The following MAPK6 variants were observed in gnomAD, a reference collection of about 807,000 sequenced individuals.
The protein encoded by MAPK6 is ERK-3.
In MAPK6, 19 loss-of-function variants were observed where a neutral mutation model predicts 59.3. That is an observed-to-expected ratio of 0.32 (90% CI 0.22 to 0.47). The LOEUF is 0.47. MAPK6 is among the 20% of genes least tolerant of loss of function. The probability of loss-of-function intolerance (pLI) is 1.00; values close to 1 mark genes in which losing one functional copy is unlikely to be tolerated. For missense variants in MAPK6, 724 were observed against 847.9 expected, an observed-to-expected ratio of 0.85 and a Z score of 1.81; for synonymous variants, 316 against 290.3, an observed-to-expected ratio of 1.09 and a Z score of -0.90.
chr15:52,055,848 TG>T (rs1280457886), intron 3 of MAPK6, among the ~76,000 whole-genome samples: 1 of 152,266 alleles, frequency 6.6e-6, no homozygotes, highest in Non-Finnish European at 1.5e-5. Context: ...TGTTTTTAAA[TG>T]TTCAATGCAC....
chr15:52,065,301 AAAC>A lies in MAPK6; in HGVS notation c.*304_*306del, dbSNP rs2141139939. 1 of 234,358 alleles carries A rather than the reference AAAC, an allele frequency of 4.3e-6. No homozygotes were observed. The highest frequency in any genetic ancestry group is 8.2e-6 in the Non-Finnish European group (1 of 121,686). The allele number at this position is 234,358 out of a possible 1,614,324, so 14.5% of individuals were successfully genotyped here. On this transcript the variant is annotated 3_prime_UTR_variant, in exon 6 of 6. Coordinates refer to ENST00000261845, the MANE Select transcript of MAPK6 (RefSeq NM_002748.4). ...ATAGAACATTGATCTGTTTTACAGG[AAAC>A]AAACCTTGCCTTGAAATTTACACAG...
chr15:52,033,525 G>T (rs2031122910), intron 1 of MAPK6, among the ~76,000 whole-genome samples: 1 of 152,202 alleles, frequency 6.6e-6, no homozygotes, highest in South Asian at 2.1e-4. Flanking sequence ...TAGACCAGTG[G>T]TCTGTCGGGG....
At chr15:52,007,591 C>A (rs1397218470) in intron 3 of MAPK6, among the ~76,000 whole-genome samples, 1 of 151,642 alleles carries the variant, frequency 6.6e-6, no homozygotes, top group African/African-American at 2.4e-5. Context: ...AATATAAGAT[C>A]ATTTAATTCC....
intron 1 of MAPK6, chr15:52,027,903 G>A (rs1285086658): frequency 6.7e-6 from 1 of 148,372 alleles, no homozygotes; most frequent in African/African-American, 2.5e-5. Context: ...CTCTTGAGTA[G>A]TTGGGACTGC....
intron 2 of MAPK6, among the ~76,000 whole-genome samples, chr15:51,993,941 G>A (rs944607894): frequency 6.7e-6 from 1 of 150,230 alleles, no homozygotes; most frequent in African/African-American, 2.5e-5. Context: ...TTAGCTCTCG[G>A]TTTCTTTTTA....
chr15:51,992,497 G>T (rs993943499), intron 2 of MAPK6, among the ~76,000 whole-genome samples: 1 of 151,422 alleles, frequency 6.6e-6, no homozygotes, highest in Non-Finnish European at 1.5e-5. Flanking sequence ...GTAGAGACGG[G>T]GTTTCACCAT....
At chr15:52,061,613 T>G in intron 5 of MAPK6, 113 bp downstream of exon 5, 3 of 833,160 alleles carry the variant, frequency 3.6e-6, no homozygotes, top group Non-Finnish European at 5.5e-6. Context: ...AAAAATTTAG[T>G]AATGTAAAGA....
chr15:52,050,600 C>G (rs1010331256), intron 3 of MAPK6, among the ~76,000 whole-genome samples: 2 of 152,082 alleles, frequency 1.3e-5, no homozygotes, highest in African/African-American at 4.8e-5. Flanking sequence ...GATGAGTAAT[C>G]CATGAAAAAT....
At chr15:52,056,309 C>G (rs895397629) in intron 3 of MAPK6, among the ~76,000 whole-genome samples, 3 of 152,214 alleles carry the variant, frequency 2.0e-5, no homozygotes, top group Non-Finnish European at 2.9e-5. Context: ...TCTGCTAGAT[C>G]ACTTTTATCA....
chr15:52,060,649 A>G (rs2032163755), intron 4 of MAPK6, among the ~76,000 whole-genome samples: 1 of 152,182 alleles, frequency 6.6e-6, no homozygotes, highest in Admixed American at 6.5e-5. Context: ...TGAGGAACTA[A>G]GGAAGGCCTA....
intron 2 of MAPK6, among the ~76,000 whole-genome samples, chr15:52,003,317 G>A (rs115798214): frequency 0.017 from 2,645 of 152,192 alleles, 74 homozygotes; most frequent in African/African-American, 0.06. Flanking sequence ...TCCCTCCCTC[G>A]ACACATGGTG....
Position 51,975,585 on chromosome 15 carries a change from A to G in MAPK6, c.-880+3679A>G, listed in dbSNP as rs1030207112. On this transcript the variant is annotated intron_variant, in intron 1 of 7. Coordinates refer to the MAPK6 transcript ENST00000691380. ...TATACTTACACCAAATCACACAAAAAGGAATATATGTTTTTAAATTTGTGT... is the reference window on the plus strand; with the variant it reads ...TATACTTACACCAAATCACACAAAAGGGAATATATGTTTTTAAATTTGTGT... Among the ~76,000 whole-genome samples the G allele has an allele frequency of 3.3e-5, 5 of 151,910 alleles. 1 individual carries two copies. Among genetic ancestry groups the G allele is most frequent in the Non-Finnish European group, 7.4e-5 (5 of 67,982 alleles).
At position 52,049,999 on chromosome 15, in the gene MAPK6, C is replaced by T. The variant is rs1201035408; in HGVS notation, c.562C>T (p.Leu188Phe). Reference protein sequence around the residue: ...MDPHYSHKGHLSEGLVTKWYR... With the variant: ...MDPHYSHKGHFSEGLVTKWYR... Reference sequence around the variant, plus strand: ...TTTTTTGTTTCTTTTATAGGGTCATCTTTCTGAAGGATTGGTTACTAAATG... The same window carrying T: ...TTTTTTGTTTCTTTTATAGGGTCATTTTTCTGAAGGATTGGTTACTAAATG... The change falls in exon 3 of 6, where the codon CTT becomes TTT. Residue 188 changes from leucine to phenylalanine, a missense_variant. By Grantham distance (22) the Leu-to-Phe change is conservative (BLOSUM62 0). This residue lies in a region of MAPK6 where 105 missense variants were observed against 191.9 expected (regional missense o/e 0.55). Coordinates refer to ENST00000261845, the MANE Select transcript of MAPK6 (RefSeq NM_002748.4). The T allele has an allele frequency of 6.2e-7, 1 of 1,610,830 alleles. No homozygotes were observed.
In MAPK6 at chr15:52,046,132, C is replaced by T. The variant is rs963603104; in HGVS notation, c.-329C>T. The T allele has an allele frequency of 5.0e-5, 12 of 237,658 alleles. No homozygotes were observed. The highest frequency in any genetic ancestry group is 9.3e-5 in the African/African-American group (4 of 43,118). The allele number at this position is 237,658 out of a possible 1,614,324, so 14.7% of individuals were successfully genotyped here. Reference sequence around the variant, plus strand: ...TTGTTAAATGTTAAATCGTTTAGCACGGTAATCTGAGTGCACAGTATGTCA... The same window carrying T: ...TTGTTAAATGTTAAATCGTTTAGCATGGTAATCTGAGTGCACAGTATGTCA... On this transcript the variant is annotated 5_prime_UTR_variant, in exon 2 of 6. The change creates a new upstream start codon in the 5' untranslated region. Transcript: ENST00000261845.
At chr15:52,015,687 G>T (rs2030215002), upstream of MAPK6, among the ~76,000 whole-genome samples, 1 of 150,324 alleles carries the variant, frequency 6.7e-6, no homozygotes, top group Non-Finnish European at 1.5e-5. Flanking sequence ...CTGTTGGTCA[G>T]GTGATCCGCC....
intron 2 of MAPK6, among the ~76,000 whole-genome samples, chr15:52,047,871 A>G (rs2031643796): frequency 6.6e-6 from 1 of 152,180 alleles, no homozygotes; most frequent in Non-Finnish European, 1.5e-5. Flanking sequence ...CTAAATTCAC[A>G]TAAACAATTG....
At chr15:52,053,652 TTTTTTAAGA>T in intron 3 of MAPK6, among the ~76,000 whole-genome samples, 2 of 137,120 alleles carry the variant, frequency 1.5e-5, no homozygotes, top group African/African-American at 5.6e-5. Context: ...GATTGATTGA[TTTTTTAAGA>T]CAGAGTCTTG....
chr15:51,974,774 G>A (rs982999985), intron 1 of MAPK6, among the ~76,000 whole-genome samples: 3 of 149,378 alleles, frequency 2.0e-5, no homozygotes, highest in Middle Eastern at 3.5e-3. Flanking sequence ...CTGGAGTGCC[G>A]TGGCATGACC....
At chr15:52,053,829 G>A (rs1488143571) in intron 3 of MAPK6, among the ~76,000 whole-genome samples, 13 of 151,530 alleles carry the variant, frequency 8.6e-5, no homozygotes, top group African/African-American at 2.9e-4. Flanking sequence ...TAGTAGAGAC[G>A]GGGTTCACCA....
Sources: gnomAD v4.1 joint callset for allele counts (sites outside exome capture counted in the v4.1 genomes callset) on GRCh38, gnomAD v4.1.1 for gene constraint, gnomAD v4.1.1 regional missense constraint, MANE v1.5 for transcripts, NCBI Gene and HGNC (gene_info 2026-07-23, HGNC 2026-07-21) for gene names.